Variants in STX11 observed in about 807,000 individuals in gnomAD.
STX11 encodes the protein syntaxin 11.
A neutral mutation model predicts 19.9 loss-of-function variants in STX11; 21 were observed. The ratio of observed to expected loss-of-function variants is 1.06; its 90% CI spans 0.75 to 1.52. The LOEUF is 1.52. Among genes scored for constraint, STX11 ranks in the 40% most tolerant of loss-of-function variants. The pLI is 0.00. For synonymous variants in STX11, 193 were observed against 174.4 expected, an observed-to-expected ratio of 1.11 and a Z score of -0.84; for missense variants, 438 against 405.9, an observed-to-expected ratio of 1.08 and a Z score of -0.68.
intron 1 of STX11, among the ~76,000 whole-genome samples, chr6:144,168,581 G>A (rs1169611572): frequency 6.6e-6 from 1 of 152,140 alleles, no homozygotes; most frequent in Non-Finnish European, 1.5e-5. Context: ...ATGTAAGGAG[G>A]TCATACATCA....
Position 144,154,815 on chromosome 6 carries a change from C to T in STX11, c.-6+4112C>T, listed in dbSNP as rs1044525375. On this transcript the variant is annotated intron_variant, in intron 1 of 1. Coordinates refer to ENST00000367568, the MANE Select transcript of STX11 (RefSeq NM_003764.4). The surrounding 1 kb of genome is among the most constrained non-coding windows in gnomAD (Gnocchi z 4.7). Reference sequence around the variant, plus strand: ...AGTCTGGTCCTGCTGTGTCTCCTGTCCTCTTGATTTTAACTTGGCAAAATG... The same window carrying T: ...AGTCTGGTCCTGCTGTGTCTCCTGTTCTCTTGATTTTAACTTGGCAAAATG... 1.3e-5 allele frequency among the ~76,000 whole-genome samples: 2 copies of T among 152,152 alleles called. No homozygotes were observed. The highest frequency in any genetic ancestry group is 4.8e-5 in the African/African-American group (2 of 41,428).
intron 1 of STX11, among the ~76,000 whole-genome samples, chr6:144,161,557 G>C (rs1244907283): frequency 6.6e-6 from 1 of 152,024 alleles, no homozygotes; most frequent in Non-Finnish European, 1.5e-5. Context: ...TAGTAGAGAC[G>C]AGCTTTCACC....
rs770548963 is a variant in STX11 at position 144,159,639 on chromosome 6, A to T, written c.-6+8936A>T. Among the ~76,000 whole-genome samples the T allele has an allele frequency of 3.9e-5, 6 of 152,228 alleles. No individual in the cohort carries two copies. Among genetic ancestry groups the T allele is most frequent in the Non-Finnish European group, 7.3e-5 (5 of 68,048 alleles). Reference sequence around the variant, plus strand: ...GGAGAGGGAAGTTTCTGTGTGTCTCATTCAATGCACCATTACTAGAAGTTA... The same window carrying T: ...GGAGAGGGAAGTTTCTGTGTGTCTCTTTCAATGCACCATTACTAGAAGTTA... On this transcript the variant is annotated intron_variant, in intron 1 of 1. Transcript: ENST00000367568. This position sits in a 1 kb window ranked among gnomAD's most constrained non-coding sequence, Gnocchi z 4.3.
At chr6:144,149,493 T>C (rs1173966615), upstream of STX11, among the ~76,000 whole-genome samples, 1 of 152,198 alleles carries the variant, frequency 6.6e-6, no homozygotes, top group Non-Finnish European at 1.5e-5. This position sits in a 1 kb window ranked among gnomAD's most constrained non-coding sequence, Gnocchi z 5.1. Context: ...TCTCATTCAA[T>C]TGAGACAGCG....
At position 144,190,953 on chromosome 6, in the gene STX11, G is replaced by T. The variant is rs1802196191; in HGVS notation, c.*3462G>T. Among the ~76,000 whole-genome samples, 1 of 152,128 alleles carries T rather than the reference G, an allele frequency of 6.6e-6. No homozygotes were observed. The highest frequency in any genetic ancestry group is 1.5e-5 in the Non-Finnish European group (1 of 68,030). On this transcript the variant is annotated 3_prime_UTR_variant, in exon 2 of 2. Coordinates refer to ENST00000367568, the MANE Select transcript of STX11 (RefSeq NM_003764.4). ...TGTTCTAGTGCCACCAAGAGATGCT[G>T]TAGAGCTGGCTTTACCAATCTCATG...
At chr6:144,149,010 G>A (rs1377323740), upstream of STX11, among the ~76,000 whole-genome samples, 1 of 152,190 alleles carries the variant, frequency 6.6e-6, no homozygotes, top group Admixed American at 6.5e-5. The surrounding 1 kb of genome is among the most constrained non-coding windows in gnomAD (Gnocchi z 5.1). Context: ...CTGAGGTTAT[G>A]GTTTTCCAGG....
In STX11 at chr6:144,187,254, C is replaced by T. The variant is rs1238811811; in HGVS notation, c.627C>T (p.Ser209=). The part of the protein sequence containing the change: ...GARAALNEIE[S]RHRELLRLES... ...GGGCCGCCCTCAACGAGATCGAGAG[C>T]CGCCACCGCGAACTGCTGCGCCTGG... The change falls in exon 2 of 2, where the codon AGC becomes AGT. Residue 209 remains serine (S), a synonymous_variant. Coordinates refer to ENST00000367568, the MANE Select transcript of STX11 (RefSeq NM_003764.4). The surrounding 1 kb of genome is among the most constrained non-coding windows in gnomAD (Gnocchi z 5.6). 3 of 1,613,662 alleles carry T rather than the reference C, an allele frequency of 1.9e-6. No individual in the cohort carries two copies. The highest frequency in any genetic ancestry group is 1.7e-6 in the Non-Finnish European group (2 of 1,179,964).
In STX11 at chr6:144,183,637, GA is replaced by G. The variant is rs1025375840; in HGVS notation, c.-5-2978del. ...TTAAATTAGACTTTTTTTTAATCTAGAAAAAAAATTTAATGTACTTGCTTAG... is the reference window on the plus strand; with the variant it reads ...TTAAATTAGACTTTTTTTTAATCTAGAAAAAAATTTAATGTACTTGCTTAG... On this transcript the variant is annotated intron_variant, in intron 1 of 1. Coordinates refer to ENST00000367568, the MANE Select transcript of STX11 (RefSeq NM_003764.4). This position sits in a 1 kb window ranked among gnomAD's most constrained non-coding sequence, Gnocchi z 4.6. Among the ~76,000 whole-genome samples the G allele has an allele frequency of 4.6e-5, 7 of 151,800 alleles. No individual in the cohort carries two copies. The highest frequency in any genetic ancestry group is 1.2e-4 in the African/African-American group (5 of 41,318).
chr6:144,150,746 A>G (rs1800983320), intron 1 of STX11, 43 bp downstream of exon 1: 3 of 241,356 alleles, frequency 1.2e-5, no homozygotes, highest in Non-Finnish European at 1.7e-5. Flanking sequence ...CTTCCTGACT[A>G]TTTTCCCCGT....
In STX11 at chr6:144,190,370, A is replaced by C. The variant is rs1802184559; in HGVS notation, c.*2879A>C. ...AAGTGATGACTGAATATGTAAAAGC[A>C]CCTAGAACAGTGCCTGGCACATGCT... On this transcript the variant is annotated 3_prime_UTR_variant, in exon 2 of 2. Coordinates refer to ENST00000367568, the MANE Select transcript of STX11 (RefSeq NM_003764.4). Among the ~76,000 whole-genome samples, 1 of 152,248 alleles carries C rather than the reference A, an allele frequency of 6.6e-6. No individual in the cohort carries two copies. Among genetic ancestry groups the C allele is most frequent in the Non-Finnish European group, 1.5e-5 (1 of 68,044 alleles).
At chr6:144,147,501 C>T (rs1473026805), upstream of STX11, among the ~76,000 whole-genome samples, 1 of 152,110 alleles carries the variant, frequency 6.6e-6, no homozygotes, top group Non-Finnish European at 1.5e-5. The surrounding 1 kb of genome is among the most constrained non-coding windows in gnomAD (Gnocchi z 4.2). Context: ...ATCTTCCTAA[C>T]CTCTGAACTT....
Position 144,187,502 on chromosome 6 carries a change from C to T in STX11, c.*11C>T, listed in dbSNP as rs778600480. ...CCCTGCCTCAAGTAGCAGGCCGGCC[C>T]GGGCCGCCACCGCCCATCCCAGACC... On this transcript the variant is annotated 3_prime_UTR_variant, in exon 2 of 2. Coordinates refer to ENST00000367568, the MANE Select transcript of STX11 (RefSeq NM_003764.4). This position sits in a 1 kb window ranked among gnomAD's most constrained non-coding sequence, Gnocchi z 5.6. 53 of 1,611,400 alleles carry T rather than the reference C, an allele frequency of 3.3e-5. No individual in the cohort carries two copies. The highest frequency in any genetic ancestry group is 1.9e-4 in the Middle Eastern group (1 of 5,132).
upstream of STX11, among the ~76,000 whole-genome samples, chr6:144,146,306 G>A (rs1351763385): frequency 6.6e-6 from 1 of 152,124 alleles, no homozygotes; most frequent in Non-Finnish European, 1.5e-5. This position sits in a 1 kb window ranked among gnomAD's most constrained non-coding sequence, Gnocchi z 4.4. Context: ...GGTCCTTATC[G>A]GTCATCATCT....
Position 144,187,956 on chromosome 6 carries a change from G to A in STX11, c.*465G>A. On this transcript the variant is annotated 3_prime_UTR_variant, in exon 2 of 2. Coordinates refer to ENST00000367568, the MANE Select transcript of STX11 (RefSeq NM_003764.4). This position sits in a 1 kb window ranked among gnomAD's most constrained non-coding sequence, Gnocchi z 5.6. ...TTCCATTTTGAGCGAAATTGGCCTTGGGAAAAACCACGTTCTTCCTTTCCG... is the reference window on the plus strand; with the variant it reads ...TTCCATTTTGAGCGAAATTGGCCTTAGGAAAAACCACGTTCTTCCTTTCCG... 3.5e-6 allele frequency: 1 copy of A among 287,746 alleles called. No homozygotes were observed. The highest frequency in any genetic ancestry group is 8.9e-5 in the South Asian group (1 of 11,246). 17.8% of individuals were successfully genotyped at this position (287,746 alleles called of 1,614,324 possible).
In STX11 at chr6:144,187,764, A is replaced by G. The variant is rs1156314951; in HGVS notation, c.*273A>G. On this transcript the variant is annotated 3_prime_UTR_variant, in exon 2 of 2. Coordinates refer to ENST00000367568, the MANE Select transcript of STX11 (RefSeq NM_003764.4). The surrounding 1 kb of genome is among the most constrained non-coding windows in gnomAD (Gnocchi z 5.6). Reference sequence around the variant, plus strand: ...CACCTTGCACTCTTACCGTCTTGACAGAAGCCAAGTAAGGAACTGAAGTTG... The same window carrying G: ...CACCTTGCACTCTTACCGTCTTGACGGAAGCCAAGTAAGGAACTGAAGTTG... 3 of 564,558 alleles carry G rather than the reference A, an allele frequency of 5.3e-6. No individual in the cohort carries two copies. Among genetic ancestry groups the G allele is most frequent in the Non-Finnish European group, 9.8e-6 (3 of 307,312 alleles). 35.0% of individuals were successfully genotyped at this position (564,558 alleles called of 1,614,324 possible).
chr6:144,185,269 G>T (rs2128756019), intron 1 of STX11, among the ~76,000 whole-genome samples: 1 of 152,266 alleles, frequency 6.6e-6, no homozygotes, highest in South Asian at 2.1e-4. Context: ...TCCATTAGTG[G>T]TGATATAAAA....
chr6:144,147,440 GT>G (rs1286090210), upstream of STX11, among the ~76,000 whole-genome samples: 1 of 151,996 alleles, frequency 6.6e-6, no homozygotes, highest in Non-Finnish European at 1.5e-5. This position sits in a 1 kb window ranked among gnomAD's most constrained non-coding sequence, Gnocchi z 4.2. Flanking sequence ...CTCTCTCTTG[GT>G]TTATCTATCT....
upstream of STX11, among the ~76,000 whole-genome samples, chr6:144,147,413 T>C (rs1670904545): frequency 6.6e-6 from 1 of 152,162 alleles, no homozygotes; most frequent in Admixed American, 6.5e-5. This position sits in a 1 kb window ranked among gnomAD's most constrained non-coding sequence, Gnocchi z 4.2. Flanking sequence ...TTTTTTTAAT[T>C]TGGCTCCTGA....
chr6:144,181,592 C>CAAAAA (rs145945304), intron 1 of STX11, among the ~76,000 whole-genome samples: 6 of 65,784 alleles, frequency 9.1e-5, no homozygotes, highest in Admixed American at 2.0e-4. Flanking sequence ...AAGACCACCT[C>CAAAAA]AAAAAAAAAA....
Sources: gnomAD v4.1 joint callset for allele counts (sites outside exome capture counted in the v4.1 genomes callset) on GRCh38, gnomAD v4.1.1 for gene constraint, Gnocchi (gnomAD v3.1) non-coding constraint, MANE v1.5 for transcripts, NCBI Gene and HGNC (gene_info 2026-07-23, HGNC 2026-07-21) for gene names.